The following FAIM variants were observed in gnomAD, a reference collection of about 807,000 sequenced individuals.
FAIM encodes the protein Fas apoptotic inhibitory molecule, also known as fas apoptotic inhibitory molecule 1.
A neutral mutation model predicts 21.2 loss-of-function variants in FAIM; 14 were observed. The observed-to-expected ratio is 0.66, with a 90% CI of 0.44 to 1.03. The LOEUF (loss-of-function observed/expected upper bound fraction) is 1.03. FAIM is among the 50% of genes least tolerant of loss of function. The pLI is 0.00. For missense variants in FAIM, 222 were observed against 247.1 expected, an observed-to-expected ratio of 0.90 and a Z score of 0.68; for synonymous variants, 86 against 80.4, an observed-to-expected ratio of 1.07 and a Z score of -0.37.
chr3:138,617,821 TTATA>T (rs1374413004), intron 1 of FAIM, among the ~76,000 whole-genome samples: 4 of 146,434 alleles, frequency 2.7e-5, no homozygotes, highest in Admixed American at 6.9e-5. Flanking sequence ...TAGATACTAT[TTATA>T]TATAGTATAT....
At chr3:138,613,211 G>T (rs952430388) in intron 1 of FAIM, among the ~76,000 whole-genome samples, 1 of 151,792 alleles carries the variant, frequency 6.6e-6, no homozygotes, top group Non-Finnish European at 1.5e-5. Context: ...GTAGAAATGG[G>T]GTTTCACCAT....
At chr3:138,609,584 TCTCTCTCGA>T (rs2042741027) in intron 1 of FAIM, among the ~76,000 whole-genome samples, 2 of 24,816 alleles carry the variant, frequency 8.1e-5, no homozygotes, top group Non-Finnish European at 1.5e-4. Context: ...CTCGACTCTC[TCTCTCTCGA>T]CTCTCTCTCT....
chr3:138,623,726 A>T (rs1179572001), intron 4 of FAIM, among the ~76,000 whole-genome samples: 1 of 152,110 alleles, frequency 6.6e-6, no homozygotes, highest in Non-Finnish European at 1.5e-5. Flanking sequence ...TGTTCTAAGT[A>T]TCCAAGTCTG....
chr3:138,613,773 C>T (rs2042796649), intron 1 of FAIM, among the ~76,000 whole-genome samples: 1 of 152,226 alleles, frequency 6.6e-6, no homozygotes, highest in Admixed American at 6.5e-5. Context: ...GTGTGAGCCA[C>T]CACACCCAGT....
intron 1 of FAIM, among the ~76,000 whole-genome samples, chr3:138,618,568 T>G (rs2042852523): frequency 6.6e-6 from 1 of 152,190 alleles, no homozygotes; most frequent in Admixed American, 6.5e-5. Context: ...CTCAAGAGGC[T>G]GAGACATGAG....
At chr3:138,610,098 G>A (rs1314498169) in intron 1 of FAIM, among the ~76,000 whole-genome samples, 2 of 152,112 alleles carry the variant, frequency 1.3e-5, no homozygotes, top group Non-Finnish European at 2.9e-5. Flanking sequence ...CCCTACCTGG[G>A]GGCCTTTGCT....
chr3:138,609,539 T>TCC (rs2042730597), intron 1 of FAIM, among the ~76,000 whole-genome samples: 1 of 10,300 alleles, frequency 9.7e-5, no homozygotes, highest in Non-Finnish European at 2.0e-4. Flanking sequence ...TGAAACTCTC[T>TCC]CTCTCTCTCT....
chr3:138,632,334 A>AGT (rs1173401010), intron 5 of FAIM, among the ~76,000 whole-genome samples: 2 of 151,758 alleles, frequency 1.3e-5, no homozygotes, highest in Non-Finnish European at 1.5e-5. Flanking sequence ...TTCTAAATCC[A>AGT]GTGTCTATTT....
chr3:138,622,165 TA>T, intron 3 of FAIM, 22 bp from the exon 4 acceptor site: 1 of 1,536,672 alleles, frequency 6.5e-7, no homozygotes, highest in Middle Eastern at 1.8e-4. Flanking sequence ...ATTTGTTTCA[TA>T]TTTTTCTGTT....
rs540381815 is a variant in FAIM, at chr3:138,619,328, T to G, written c.-16-383T>G. Among the ~76,000 whole-genome samples the G allele has an allele frequency of 2.0e-5, 3 of 152,364 alleles. No individual in the cohort carries two copies. In the East Asian group the frequency reaches 5.8e-4, roughly 29 times the overall value. ...GGAGTTTGATGTATTCCCTGACTCA[T>G]AGCCTTGGGGCTTCTTACGCTTCAA... On this transcript the variant is annotated intron_variant, in intron 1 of 5. Transcript: ENST00000360570.
intron 1 of FAIM, chr3:138,610,783 G>A (rs964252886): frequency 5.4e-6 from 3 of 556,588 alleles, no homozygotes; most frequent in African/African-American, 1.9e-5. Flanking sequence ...GGATTTCACC[G>A]TTTTGTCCAG....
intron 4 of FAIM, among the ~76,000 whole-genome samples, chr3:138,627,220 C>T (rs528958037): frequency 3.3e-5 from 5 of 149,820 alleles, no homozygotes; most frequent in Non-Finnish European, 5.9e-5. Flanking sequence ...CTCACTCTGT[C>T]GCCCAGGCTG....
chr3:138,625,857 G>C (rs361076), intron 4 of FAIM, among the ~76,000 whole-genome samples: 91,578 of 151,850 alleles, frequency 0.6, 28,315 homozygotes, highest in East Asian at 0.98. Context: ...GATGCTGAGA[G>C]CTGACCTCAA....
intron 3 of FAIM, 115 bp from the exon 4 acceptor site, chr3:138,622,072 TC>T (rs1366977490): frequency 2.3e-6 from 2 of 879,942 alleles, no homozygotes; most frequent in Non-Finnish European, 3.4e-6. Flanking sequence ...GAGCCACCAC[TC>T]CCGGCAATGA....
intron 1 of FAIM, among the ~76,000 whole-genome samples, chr3:138,617,617 C>A (rs2042839444): frequency 7.1e-6 from 1 of 141,616 alleles, no homozygotes; most frequent in African/African-American, 2.6e-5. Flanking sequence ...TACTATCTGT[C>A]TATCTATAAT....
At chr3:138,630,118 A>G (rs1450926993) in intron 5 of FAIM, 1 of 152,186 alleles carries the variant, frequency 6.6e-6, no homozygotes, top group Non-Finnish European at 1.5e-5. Context: ...GGCTAGAGAT[A>G]ATCGGAAGCT....
rs753458000 is a variant in FAIM at position 138,629,130 on chromosome 3, T to C, written c.430T>C (p.Cys144Arg). Residue 144 changes from cysteine (C) to arginine (R), a missense_variant, in exon 5 of 6, where the codon TGC becomes CGC. Transcript: ENST00000360570. ...VLEKDAMDVW[C>R]NGKKLETAGE... Reference sequence around the variant, plus strand: ...AGAAAAAGATGCTATGGACGTATGGTGCAATGGTAAAAAATTGGAGACAGC... The same window carrying C: ...AGAAAAAGATGCTATGGACGTATGGCGCAATGGTAAAAAATTGGAGACAGC... 3 of 1,611,976 alleles carry C rather than the reference T, an allele frequency of 1.9e-6. No individual in the cohort carries two copies. Among genetic ancestry groups the C allele is most frequent in the Admixed American group, 1.7e-5 (1 of 59,928 alleles).
chr3:138,624,418 C>CT (rs1026223117), intron 4 of FAIM, among the ~76,000 whole-genome samples: 69 of 152,160 alleles, frequency 4.5e-4, no homozygotes, highest in African/African-American at 1.6e-3. Context: ...TATCTCGGGT[C>CT]TTTAAAAAAT....
At chr3:138,626,910 G>A (rs1031783090) in intron 4 of FAIM, among the ~76,000 whole-genome samples, 4 of 152,072 alleles carry the variant, frequency 2.6e-5, no homozygotes, top group Non-Finnish European at 5.9e-5. Context: ...GGTATTTCAG[G>A]GTTGTTTTTG....
Sources: gnomAD v4.1 joint callset for allele counts (sites outside exome capture counted in the v4.1 genomes callset) on GRCh38, gnomAD v4.1.1 for gene constraint, MANE v1.5 for transcripts, NCBI Gene and HGNC (gene_info 2026-07-23, HGNC 2026-07-21) for gene names.